The following NLRP14 variants were observed in gnomAD, a reference collection of about 807,000 sequenced individuals.
NLRP14 encodes the protein NACHT, LRR and PYD domains-containing protein 14.
A neutral mutation model predicts 94.7 loss-of-function variants in NLRP14; 105 were observed. The observed-to-expected ratio is 1.11, with a 90% CI of 0.95 to 1.30. The LOEUF is 1.30. Ranked by LOEUF, NLRP14 falls within the 50% of genes most tolerant of loss-of-function variation. The probability of loss-of-function intolerance (pLI) is 0.00; values close to 1 mark genes in which losing one functional copy is unlikely to be tolerated. For missense variants in NLRP14, 1,362 were observed against 1,254.1 expected (o/e 1.09, Z -1.30); for synonymous variants, 508 against 459.9 (o/e 1.10, Z -1.34).
chr11:7,047,226 C>T (rs892779769), intron 5 of NLRP14, among the ~76,000 whole-genome samples: 1 of 152,130 alleles, frequency 6.6e-6, no homozygotes, highest in Non-Finnish European at 1.5e-5. Context: ...TTGTTGTGTT[C>T]TGACAAGTGT....
chr11:7,029,456 T>C (rs1852061039), intron 1 of NLRP14, among the ~76,000 whole-genome samples: 1 of 152,182 alleles, frequency 6.6e-6, no homozygotes, highest in Admixed American at 6.5e-5. Flanking sequence ...CAAATATAAG[T>C]TTATATATAA....
chr11:7,070,158 T>G, intron 10 of NLRP14, 128 bp from the exon 11 acceptor site: 1 of 701,442 alleles, frequency 1.4e-6, no homozygotes, highest in Non-Finnish European at 2.5e-6. Flanking sequence ...GTCCTTGAAT[T>G]TATACTAACT....
chr11:7,090,606 C>A, the NLRP14 span: 1 of 420,276 alleles, frequency 2.4e-6, no homozygotes, highest in South Asian at 2.3e-5. Context: ...TGTAAATTTT[C>A]TTGATAAATG....
chr11:7,089,755 A>C, the NLRP14 span: 17 of 1,565,118 alleles, frequency 1.1e-5, no homozygotes, highest in Non-Finnish European at 1.5e-5. Flanking sequence ...CCGCGGGATG[A>C]GGGCTACTCG....
chr11:7,081,723 C>G, the NLRP14 span, among the ~76,000 whole-genome samples: 1 of 152,194 alleles, frequency 6.6e-6, no homozygotes, highest in Non-Finnish European at 1.5e-5. Flanking sequence ...TCCATGCCCT[C>G]TGTGGCATGC....
chr11:7,049,868 G>T, intron 6 of NLRP14, 30 bp downstream of exon 6: 1 of 1,595,318 alleles, frequency 6.3e-7, no homozygotes, highest in Non-Finnish European at 8.6e-7. Context: ...GTCTTGTTTT[G>T]TTTTTATAAT....
chr11:7,087,677 G>A, the NLRP14 span, among the ~76,000 whole-genome samples: 1 of 152,056 alleles, frequency 6.6e-6, no homozygotes, highest in South Asian at 2.1e-4. Context: ...GCAGTCATTC[G>A]AAAAAGTAGA....
chr11:7,043,745 T>A lies in NLRP14; in HGVS notation c.1719T>A (p.Ser573=). The A allele has an allele frequency of 6.2e-7, 1 of 1,614,160 alleles. No individual in the cohort carries two copies. Among genetic ancestry groups the A allele is most frequent in the Non-Finnish European group, 8.5e-7 (1 of 1,179,990 alleles). ...AAGTATTAGGAAACAGTGACTATTC[T>A]CCATCACAGCTGGGATTTCTGGAGT... ...CMEVLGNSDY[S]PSQLGFLELF... is the part of the protein sequence containing the mutation. Residue 573 remains serine, a synonymous_variant, in exon 4 of 12, where the codon TCT becomes TCA. Coordinates refer to ENST00000299481, the MANE Select transcript of NLRP14 (RefSeq NM_176822.4).
rs199475887 is a variant in NLRP14, at chr11:7,062,171, C to T, written c.2805-162C>T. Among the ~76,000 whole-genome samples, 44 of 151,994 alleles carry T rather than the reference C, an allele frequency of 2.9e-4. No individual in the cohort carries two copies. The East Asian group carries it at 7.4e-3, about 25-fold the overall frequency. On this transcript the variant is annotated intron_variant, in intron 9 of 11. Transcript: ENST00000299481. ...TGGTTTATTCTGCTCATTAAGAAAT[C>T]CCATCATTTTTACTGATAAATTAGA...
the NLRP14 span, among the ~76,000 whole-genome samples, chr11:7,081,184 A>G: frequency 2.0e-5 from 3 of 151,956 alleles, no homozygotes; most frequent in Non-Finnish European, 4.4e-5. Flanking sequence ...TGCCCTTTGG[A>G]TTTAGGTGGT....
the NLRP14 span, among the ~76,000 whole-genome samples, chr11:7,079,936 A>G: frequency 6.6e-6 from 1 of 152,034 alleles, no homozygotes; most frequent in African/African-American, 2.4e-5. Flanking sequence ...TCAGTGGGAG[A>G]AGCCATTGCG....
chr11:7,046,894 C>T, intron 5 of NLRP14, 62 bp downstream of exon 5: 2 of 1,241,112 alleles, frequency 1.6e-6, no homozygotes, highest in Non-Finnish European at 1.2e-6. Context: ...TCCCATCTTC[C>T]ACTCATACTC....
chr11:7,069,935 G>C (rs1852766344), intron 10 of NLRP14, among the ~76,000 whole-genome samples: 1 of 152,016 alleles, frequency 6.6e-6, no homozygotes, highest in African/African-American at 2.4e-5. Context: ...CCTATTCCTT[G>C]CTTTTTAAAC....
Position 7,043,266 on chromosome 11 carries a change from G to A in NLRP14, c.1240G>A (p.Gly414Ser). 1 of 1,614,164 alleles carries A rather than the reference G, an allele frequency of 6.2e-7. No individual in the cohort carries two copies. Among genetic ancestry groups the A allele is most frequent in the Non-Finnish European group, 8.5e-7 (1 of 1,180,042 alleles). Reference protein sequence around the residue: ...ISSLFTPVDGGSPSLPNQAQL... With the variant: ...ISSLFTPVDGSSPSLPNQAQL... ...TAGCTTGTTCACACCAGTAGATGGA[G>A]GCTCTCCTAGTCTACCCAACCAAGC... The change falls in exon 4 of 12, where the codon GGC becomes AGC. Residue 414 changes from glycine to serine, a missense_variant. Gly to Ser is a moderately conservative substitution (Grantham distance 56). Transcript: ENST00000299481.
intron 6 of NLRP14, 35 bp downstream of exon 6, chr11:7,049,873 T>C (rs748463975): frequency 4.4e-6 from 7 of 1,576,338 alleles, no homozygotes; most frequent in South Asian, 1.1e-5. Context: ...GTTTTGTTTT[T>C]ATAATTGAGG....
At position 7,042,582 on chromosome 11, in the gene NLRP14, G is replaced by A; in HGVS notation, c.556G>A (p.Gly186Arg). The A allele has an allele frequency of 6.2e-7, 1 of 1,614,222 alleles. No individual in the cohort carries two copies. The highest frequency in any genetic ancestry group is 8.5e-7 in the Non-Finnish European group (1 of 1,180,042). The change falls in exon 4 of 12, where the codon GGA becomes AGA. Residue 186 changes from glycine (G) to arginine (R), a missense_variant. Physicochemically the swap from Gly to Arg is moderately radical, Grantham distance 125. Transcript: ENST00000299481. ...PQIVVLQGAA[G>R]VGKTTLVRKA... ...GATCGTGGTGCTTCAGGGAGCTGCTGGAGTTGGGAAAACAACCTTGGTGAG... is the reference window on the plus strand; with the variant it reads ...GATCGTGGTGCTTCAGGGAGCTGCTAGAGTTGGGAAAACAACCTTGGTGAG...
At chr11:7,076,206 C>T (rs1208417035), downstream of NLRP14, among the ~76,000 whole-genome samples, 2 of 151,934 alleles carry the variant, frequency 1.3e-5, no homozygotes, top group African/African-American at 2.4e-5. Flanking sequence ...TTTGTATCTC[C>T]TTAAATTTTG....
chr11:7,039,922 A>G (rs1175622708), intron 3 of NLRP14, 137 bp downstream of exon 3: 1 of 749,272 alleles, frequency 1.3e-6, no homozygotes, highest in Admixed American at 2.0e-5. Context: ...AATGTCACCC[A>G]AAAAGGATCA....
downstream of NLRP14, among the ~76,000 whole-genome samples, chr11:7,073,195 A>G (rs1472725888): frequency 6.6e-6 from 1 of 152,184 alleles, no homozygotes; most frequent in Non-Finnish European, 1.5e-5. Context: ...ATAATCCTCC[A>G]TTAGTGAAAA....
Sources: allele counts gnomAD v4.1 joint callset (sites outside exome capture counted in the v4.1 genomes callset), GRCh38; gene constraint gnomAD v4.1.1; transcripts MANE v1.5; gene names NCBI Gene and HGNC (gene_info 2026-07-23, HGNC 2026-07-21).